PCSK2: variants seen among roughly 807,000 people sequenced by gnomAD.
PCSK2 encodes the protein proprotein convertase subtilisin/kexin type 2, also known as neuroendocrine convertase 2.
PCSK2 carries 14 observed loss-of-function variants against 69.7 expected under a neutral mutation model. That is an observed-to-expected ratio of 0.20 (90% CI 0.13 to 0.31). The LOEUF is 0.31. Among genes scored for constraint, PCSK2 ranks in the 10% least tolerant of loss-of-function variants. The pLI, the probability that PCSK2 is intolerant of heterozygous loss-of-function variation, is 1.00. For synonymous variants in PCSK2, 307 were observed against 320.7 expected, an observed-to-expected ratio of 0.96 and a Z score of 0.46; for missense variants, 544 against 842.5, an observed-to-expected ratio of 0.65 and a Z score of 4.39.
At chr20:17,413,543 G>A (rs1467186991) in intron 6 of PCSK2, among the ~76,000 whole-genome samples, 4 of 152,156 alleles carry the variant, frequency 2.6e-5, no homozygotes, top group African/African-American at 4.8e-5. Context: ...CAAGTCCTTA[G>A]AGACCTACAA....
intron 2 of PCSK2, among the ~76,000 whole-genome samples, chr20:17,353,086 T>C (rs1265538645): frequency 6.6e-6 from 1 of 152,074 alleles, no homozygotes; most frequent in African/African-American, 2.4e-5. Flanking sequence ...TGAAAAATAC[T>C]CAATATCACT....
At chr20:17,392,018 G>C (rs1473014909) in intron 5 of PCSK2, among the ~76,000 whole-genome samples, 1 of 151,904 alleles carries the variant, frequency 6.6e-6, no homozygotes, top group Non-Finnish European at 1.5e-5. Context: ...GGAAAGGAAA[G>C]AGAAGCCATC....
Position 17,483,388 on chromosome 20 carries a change from G to T in PCSK2, c.*1318G>T, listed in dbSNP as rs2123431521. 6.6e-6 allele frequency: 1 copy of T among 152,268 alleles called. No homozygotes were observed. Among genetic ancestry groups the T allele is most frequent in the Admixed American group, 6.5e-5 (1 of 15,290 alleles). 9.4% of individuals were successfully genotyped at this position (152,268 alleles called of 1,614,324 possible). ...ATTTAACATGCAACCCGAAGGTTAT[G>T]GTCAATCCCAAAAGTCACCACTCCA... On this transcript the variant is annotated 3_prime_UTR_variant, in exon 12 of 12. Transcript: ENST00000262545.
chr20:17,344,456 GCTAAC>G (rs1486552966), intron 2 of PCSK2, among the ~76,000 whole-genome samples: 6 of 152,304 alleles, frequency 3.9e-5, no homozygotes, highest in African/African-American at 1.4e-4. Context: ...TGACTAAGGG[GCTAAC>G]CTTTGAGGAA....
At chr20:17,445,005 G>T (rs2032670908) in intron 8 of PCSK2, among the ~76,000 whole-genome samples, 1 of 152,168 alleles carries the variant, frequency 6.6e-6, no homozygotes, top group Admixed American at 6.5e-5. Context: ...CAGGCACAGG[G>T]AATTCTAAAG....
chr20:17,303,948 C>CAT lies in PCSK2; in HGVS notation c.282+43614_282+43615dup, dbSNP rs981251591. On this transcript the variant is annotated intron_variant, in intron 2 of 11. Coordinates refer to ENST00000262545, the MANE Select transcript of PCSK2 (RefSeq NM_002594.5). ...TGTATTGGAGGTCTCTTTCCAGAAC[C>CAT]ATATATATATACATAATATATAAAT... Among the ~76,000 whole-genome samples the CAT allele has an allele frequency of 1.5e-3, 220 of 148,496 alleles. 2 individuals carry two copies. Among genetic ancestry groups the CAT allele is most frequent in the African/African-American group, 4.7e-3 (191 of 40,764 alleles).
At chr20:17,304,085 G>A (rs1051847317) in intron 2 of PCSK2, among the ~76,000 whole-genome samples, 3 of 151,740 alleles carry the variant, frequency 2.0e-5, no homozygotes, top group Non-Finnish European at 2.9e-5. Context: ...CTTCACCTCT[G>A]TAAGCCTCAG....
In PCSK2 at chr20:17,347,258, C is replaced by T. The variant is rs73253639; in HGVS notation, c.283-11069C>T. 9.5e-4 allele frequency among the ~76,000 whole-genome samples: 144 copies of T among 152,254 alleles called. 1 individual carries two copies. The highest frequency in any genetic ancestry group is 3.3e-3 in the African/African-American group (137 of 41,546). On this transcript the variant is annotated intron_variant, in intron 2 of 11. Coordinates refer to ENST00000262545, the MANE Select transcript of PCSK2 (RefSeq NM_002594.5). ...CTCCTGCTCAAGGAAGCAATTAAGC[C>T]GGCACACTCCCTGTCTGCTGCCTGC...
At chr20:17,323,578 A>T (rs1389970121) in intron 2 of PCSK2, among the ~76,000 whole-genome samples, 1 of 152,238 alleles carries the variant, frequency 6.6e-6, no homozygotes, top group Non-Finnish European at 1.5e-5. Context: ...ACTTCAGTCT[A>T]CTGAACTACA....
intron 5 of PCSK2, among the ~76,000 whole-genome samples, chr20:17,387,391 G>A (rs34652390): frequency 0.12 from 18,405 of 152,174 alleles, 1,192 homozygotes; most frequent in African/African-American, 0.14. Flanking sequence ...GGGTGGCTCC[G>A]TGTTTCTCGT....
rs1023166280 is a variant in PCSK2 at position 17,338,903 on chromosome 20, C to T, written c.283-19424C>T. 2.6e-5 allele frequency among the ~76,000 whole-genome samples: 4 copies of T among 152,188 alleles called. No homozygotes were observed. The East Asian group carries it at 7.7e-4, about 29-fold the overall frequency. ...TCCAAATTGATAGCAGAACTTCCAGCAAATCGACCCTCCTTAAAATTCAAG... is the reference window on the plus strand; with the variant it reads ...TCCAAATTGATAGCAGAACTTCCAGTAAATCGACCCTCCTTAAAATTCAAG... On this transcript the variant is annotated intron_variant, in intron 2 of 11. Coordinates refer to ENST00000262545, the MANE Select transcript of PCSK2 (RefSeq NM_002594.5).
chr20:17,387,917 T>G (rs2031278838), intron 5 of PCSK2, among the ~76,000 whole-genome samples: 1 of 152,180 alleles, frequency 6.6e-6, no homozygotes, highest in South Asian at 2.1e-4. Context: ...CTCGGTGATA[T>G]AAATGTGTTT....
chr20:17,384,409 G>A (rs374459471), intron 5 of PCSK2, among the ~76,000 whole-genome samples: 55 of 130,910 alleles, frequency 4.2e-4, no homozygotes, highest in African/African-American at 1.3e-3. Context: ...CCAACACAGC[G>A]AAGCTCCATA....
chr20:17,272,450 G>T (rs1408836976), intron 2 of PCSK2, among the ~76,000 whole-genome samples: 2 of 151,950 alleles, frequency 1.3e-5, no homozygotes, highest in African/African-American at 2.4e-5. Flanking sequence ...GAAGGATCGA[G>T]GTATTGGTTC....
intron 5 of PCSK2, among the ~76,000 whole-genome samples, chr20:17,382,865 C>A (rs867695968): frequency 6.6e-6 from 1 of 152,204 alleles, no homozygotes; most frequent in Admixed American, 6.5e-5. Context: ...ACTCTACAAT[C>A]CAGGATTCTC....
intron 10 of PCSK2, chr20:17,463,886 G>GCA (rs1006870669): frequency 9.2e-5 from 14 of 152,140 alleles, no homozygotes; most frequent in African/African-American, 3.4e-4. Context: ...TTTGACTTCT[G>GCA]AAGAGAACTG....
chr20:17,354,884 A>C (rs1480672029), intron 2 of PCSK2, among the ~76,000 whole-genome samples: 2 of 151,648 alleles, frequency 1.3e-5, no homozygotes, highest in Non-Finnish European at 2.9e-5. Flanking sequence ...ATGGGGTTAC[A>C]TGGTATCATT....
intron 1 of PCSK2, among the ~76,000 whole-genome samples, chr20:17,233,567 T>C (rs1038113552): frequency 1.3e-5 from 2 of 152,202 alleles, no homozygotes; most frequent in African/African-American, 4.8e-5. Context: ...CCAATTATAC[T>C]GGATTCCTCA....
chr20:17,342,302 G>A (rs752831661), intron 2 of PCSK2, among the ~76,000 whole-genome samples: 4 of 152,044 alleles, frequency 2.6e-5, no homozygotes, highest in African/African-American at 9.7e-5. Context: ...AATCTATAAC[G>A]CTCTTGTTTG....
Sources: gnomAD v4.1 joint callset for allele counts (sites outside exome capture counted in the v4.1 genomes callset) on GRCh38, gnomAD v4.1.1 for gene constraint, MANE v1.5 for transcripts, NCBI Gene and HGNC (gene_info 2026-07-23, HGNC 2026-07-21) for gene names.